Variants in RASGRP3 observed in about 807,000 individuals in gnomAD.
RASGRP3 encodes RAS guanyl releasing protein 3.
In RASGRP3, 54 loss-of-function variants were observed where a neutral mutation model predicts 82.7. That is an observed-to-expected ratio of 0.65 (90% confidence interval 0.52 to 0.82). The LOEUF is 0.82. Among genes scored for constraint, RASGRP3 ranks in the 40% least tolerant of loss-of-function variants. The pLI is 0.00. For missense variants in RASGRP3, 861 were observed against 828.9 expected (o/e 1.04, Z -0.48); for synonymous variants, 309 against 300.5 (o/e 1.03, Z -0.29).
intron 2 of RASGRP3, among the ~76,000 whole-genome samples, chr2:33,470,027 T>A (rs905299890): frequency 2.0e-5 from 3 of 152,216 alleles, no homozygotes; most frequent in Admixed American, 2.0e-4. Context: ...AAATTCACGT[T>A]ATTTTTAGCC....
chr2:33,450,566 T>C (rs1239324769), intron 2 of RASGRP3, among the ~76,000 whole-genome samples: 1 of 152,122 alleles, frequency 6.6e-6, no homozygotes, highest in Non-Finnish European at 1.5e-5. Flanking sequence ...TCTTATTCTT[T>C]AAGGCTAAAT....
At chr2:33,507,664 T>A (rs987416429) in intron 1 of RASGRP3, among the ~76,000 whole-genome samples, 1 of 152,170 alleles carries the variant, frequency 6.6e-6, no homozygotes, top group Non-Finnish European at 1.5e-5. Flanking sequence ...CAGCTGGGAT[T>A]ACAGGCATGT....
intron 2 of RASGRP3, among the ~76,000 whole-genome samples, chr2:33,459,880 C>G (rs1237310951): frequency 6.6e-6 from 1 of 152,146 alleles, no homozygotes; most frequent in East Asian, 1.9e-4. Context: ...CTCTCCAGTT[C>G]TCTCTAAACT....
chr2:33,530,497 CTTTTTTTTTTTTTTT>C (rs746592952), intron 10 of RASGRP3, among the ~76,000 whole-genome samples: 1 of 117,108 alleles, frequency 8.5e-6, no homozygotes, highest in African/African-American at 3.5e-5. Flanking sequence ...CTGCCCCTTC[CTTTTTTTTTTTTTTT>C]TTTTTTTTTA....
At position 33,559,007 on chromosome 2, in the gene RASGRP3, GA is replaced by G; in HGVS notation, c.2043del (p.Glu682ArgfsTer71). 1 of 1,611,282 alleles carries G rather than the reference GA, an allele frequency of 6.2e-7. No homozygotes were observed. The highest frequency in any genetic ancestry group is 8.5e-7 in the Non-Finnish European group (1 of 1,178,836). On this transcript the variant is annotated frameshift_variant, in exon 17 of 18. Transcript: ENST00000403687. LOFTEE classifies it high-confidence loss of function. ...TEFELDQDEGEETRQDGEDG is the reference protein window; with the variant it reads ...TEFELDQDEGXETRQDGEDG ...GTTTGAACTTGACCAGGATGAAGGA[GA>G]AGAGACCAGACAGGATGGTGAGGTA...
chr2:33,544,947 A>T (rs1674598340), intron 13 of RASGRP3, among the ~76,000 whole-genome samples: 1 of 152,222 alleles, frequency 6.6e-6, no homozygotes, highest in African/African-American at 2.4e-5. Context: ...ATATACCCAG[A>T]ACAAAGAATA....
At chr2:33,539,399 C>A (rs1458965480) in intron 12 of RASGRP3, 189 bp downstream of exon 12, 6 of 531,708 alleles carry the variant, frequency 1.1e-5, no homozygotes, top group African/African-American at 9.6e-5. Flanking sequence ...AGGCCCTTTT[C>A]CCTTTGTTGT....
intron 1 of RASGRP3, chr2:33,482,808 G>A (rs529855026): frequency 2.0e-4 from 31 of 152,208 alleles, no homozygotes; most frequent in Non-Finnish European, 3.8e-4. Context: ...GGGCTTAGAG[G>A]TAGGGGAAAA....
chr2:33,450,083 G>A (rs920509569), intron 2 of RASGRP3, among the ~76,000 whole-genome samples: 1 of 152,058 alleles, frequency 6.6e-6, no homozygotes, highest in Non-Finnish European at 1.5e-5. Flanking sequence ...TTTTCTTATC[G>A]TTATTTCCAG....
At chr2:33,556,978 A>G (rs1347288062) in intron 15 of RASGRP3, among the ~76,000 whole-genome samples, 1 of 150,752 alleles carries the variant, frequency 6.6e-6, no homozygotes, top group Non-Finnish European at 1.5e-5. Context: ...TATCTCTTGT[A>G]TTTTCTTAAT....
chr2:33,509,425 A>G (rs183019938), intron 1 of RASGRP3, among the ~76,000 whole-genome samples: 1 of 152,050 alleles, frequency 6.6e-6, no homozygotes, highest in African/African-American at 2.4e-5. Flanking sequence ...AGATATGATC[A>G]TGCCATTCTC....
chr2:33,438,214 A>G, intron 1 of RASGRP3, among the ~76,000 whole-genome samples: 1 of 152,276 alleles, frequency 6.6e-6, no homozygotes, highest in South Asian at 2.1e-4. Flanking sequence ...ATATTTTTTC[A>G]CTTGTAAAAG....
At chr2:33,505,024 G>C (rs754981326) in intron 1 of RASGRP3, among the ~76,000 whole-genome samples, 1 of 152,092 alleles carries the variant, frequency 6.6e-6, no homozygotes, top group Non-Finnish European at 1.5e-5. Flanking sequence ...TTGCTGGATT[G>C]TTTGGGAGGA....
intron 2 of RASGRP3, among the ~76,000 whole-genome samples, chr2:33,448,869 C>T (rs530145506): frequency 5.3e-5 from 8 of 152,142 alleles, no homozygotes; most frequent in East Asian, 1.9e-4. Context: ...TATAGCAAAA[C>T]GCAGTGAATT....
At chr2:33,550,742 A>G (rs1373784270) in intron 14 of RASGRP3, among the ~76,000 whole-genome samples, 1 of 152,146 alleles carries the variant, frequency 6.6e-6, no homozygotes, top group Non-Finnish European at 1.5e-5. Context: ...TTTGTTGCCG[A>G]TATTATACGC....
intron 2 of RASGRP3, among the ~76,000 whole-genome samples, chr2:33,514,202 A>G (rs1671207656): frequency 6.6e-6 from 1 of 152,172 alleles, no homozygotes; most frequent in Admixed American, 6.5e-5. Context: ...ACTGCAGAGA[A>G]TAATCTTACT....
intron 2 of RASGRP3, among the ~76,000 whole-genome samples, chr2:33,462,328 G>C: frequency 6.6e-6 from 1 of 151,670 alleles, no homozygotes; most frequent in East Asian, 1.9e-4. Flanking sequence ...GGCAGAAGAA[G>C]CCTAGAGTTT....
chr2:33,558,608 A>G, intron 16 of RASGRP3, 64 bp from the exon 17 acceptor site: 1 of 1,409,004 alleles, frequency 7.1e-7, no homozygotes. Flanking sequence ...TGTTTGCACT[A>G]ACCTTGATGC....
chr2:33,558,584 T>C, intron 16 of RASGRP3, 88 bp from the exon 17 acceptor site: 1 of 1,247,920 alleles, frequency 8.0e-7, no homozygotes, highest in Non-Finnish European at 1.1e-6. Context: ...GAATGTTGCA[T>C]GCCAGACTCG....
Sources: allele counts gnomAD v4.1 joint callset (sites outside exome capture counted in the v4.1 genomes callset), GRCh38; gene constraint gnomAD v4.1.1; transcripts MANE v1.5; gene names NCBI Gene and HGNC (gene_info 2026-07-23, HGNC 2026-07-21).